Variants in MID1 observed in about 807,000 individuals in gnomAD.
MID1 encodes midline 1.
MID1 carries 7 observed loss-of-function variants against 40.4 expected under a neutral mutation model. That is an observed-to-expected ratio of 0.17 (90% confidence interval 0.10 to 0.33). MID1 has a LOEUF of 0.33. Among genes scored for constraint, MID1 ranks in the 10% least tolerant of loss-of-function variants. MID1 has a pLI of 1.00. For missense variants in MID1, 367 were observed against 558.5 expected, an observed-to-expected ratio of 0.66 and a Z score of 3.46; for synonymous variants, 229 against 221.2, an observed-to-expected ratio of 1.04 and a Z score of -0.31.
chrX:10,802,674 G>T (rs1287908096), intron 1 of MID1, among the ~76,000 whole-genome samples: 1 of 111,681 alleles, frequency 9.0e-6, no homozygotes, highest in Non-Finnish European at 1.9e-5. Context: ...CCCATTACTG[G>T]TTATATATCC....
At chrX:10,752,136 A>T (rs1010700491) in intron 1 of MID1, among the ~76,000 whole-genome samples, 1 of 111,376 alleles carries the variant, frequency 9.0e-6, no homozygotes, top group African/African-American at 3.3e-5. Flanking sequence ...TTTTCCCTAT[A>T]AATTACCTAG....
At position 10,501,438 on chromosome X, in the gene MID1, C is replaced by T. The variant is rs775364168; in HGVS notation, c.757-5747G>A. The T allele has an allele frequency of 9.5e-5, 110 of 1,153,554 alleles. No individual in the cohort carries two copies. In the South Asian group the frequency reaches 1.8e-3, roughly 19 times the overall value. ...TACATCTAGAGTCAGTTTTCTTTCGCGTCTTGAAATGCATCTTCTCCCCAT... is the reference window on the plus strand; with the variant it reads ...TACATCTAGAGTCAGTTTTCTTTCGTGTCTTGAAATGCATCTTCTCCCCAT... On this transcript the variant is annotated intron_variant, in intron 3 of 9. Transcript: ENST00000317552.
At chrX:10,774,092 G>A (rs187180705) in intron 1 of MID1, among the ~76,000 whole-genome samples, 1 of 111,509 alleles carries the variant, frequency 9.0e-6, no homozygotes, top group African/African-American at 3.3e-5. Flanking sequence ...TCTTAGAGGT[G>A]CCAATTTGAG....
intron 1 of MID1, among the ~76,000 whole-genome samples, chrX:10,796,579 T>G (rs1364362618): frequency 2.7e-5 from 3 of 110,508 alleles, no homozygotes; most frequent in African/African-American, 9.9e-5. Context: ...AGCTTGCACC[T>G]TGTGATCTAT....
chrX:10,540,902 T>C (rs1933443652), intron 2 of MID1, among the ~76,000 whole-genome samples: 1 of 112,270 alleles, frequency 8.9e-6, no homozygotes, highest in South Asian at 3.7e-4. Context: ...AGTAGGTGGA[T>C]AACGGTTCCT....
chrX:10,563,097 T>C (rs1008957866), intron 2 of MID1, among the ~76,000 whole-genome samples: 2 of 111,843 alleles, frequency 1.8e-5, no homozygotes, highest in Non-Finnish European at 3.8e-5. Context: ...TTACAATCTA[T>C]AAATTAAACC....
chrX:10,448,498 G>A lies in MID1; in HGVS notation c.*870C>T, dbSNP rs775437613. 2 of 111,549 alleles carry A rather than the reference G, an allele frequency of 1.8e-5. No homozygotes were observed. The highest frequency in any genetic ancestry group is 9.5e-5 in the Admixed American group (1 of 10,495). 9.2% of individuals were successfully genotyped at this position (111,549 alleles called of 1,213,427 possible). On this transcript the variant is annotated 3_prime_UTR_variant, in exon 10 of 10. Transcript: ENST00000317552. ...AGTGAAGAAATTTCACAGGTCTAAAGGAACTATTAAAAGGAAGGATAAAGT... is the reference window on the plus strand; with the variant it reads ...AGTGAAGAAATTTCACAGGTCTAAAAGAACTATTAAAAGGAAGGATAAAGT...
chrX:10,606,595 G>A (rs1224358880), intron 1 of MID1, among the ~76,000 whole-genome samples: 1 of 111,196 alleles, frequency 9.0e-6, no homozygotes, highest in Non-Finnish European at 1.9e-5. Context: ...TATTTTATGA[G>A]GTATTTTATT....
intron 3 of MID1, among the ~76,000 whole-genome samples, chrX:10,510,185 T>C (rs1243944146): frequency 1.8e-5 from 2 of 112,232 alleles, no homozygotes; most frequent in African/African-American, 6.5e-5. Context: ...GCTGATTAAG[T>C]TCCTACACAC....
chrX:10,825,608 G>A (rs1304725787), intron 1 of MID1, among the ~76,000 whole-genome samples: 1 of 111,677 alleles, frequency 9.0e-6, no homozygotes, highest in Non-Finnish European at 1.9e-5. Flanking sequence ...GATCTCAGCT[G>A]AGAAAAGCAA....
At chrX:10,589,444 C>T (rs10284081) in intron 1 of MID1, 16,636 of 110,030 alleles carry the variant, frequency 0.15, 2,581 homozygotes, top group African/African-American at 0.47. Flanking sequence ...TCAAATGGAG[C>T]GGGCAAGTTC....
intron 1 of MID1, among the ~76,000 whole-genome samples, chrX:10,745,613 G>A (rs1467499677): frequency 2.7e-5 from 3 of 112,571 alleles, no homozygotes; most frequent in Non-Finnish European, 5.6e-5. Context: ...ACAAAGATGA[G>A]GTTCTGGCCC....
intron 3 of MID1, among the ~76,000 whole-genome samples, chrX:10,501,089 T>A (rs992304150): frequency 2.7e-5 from 3 of 111,290 alleles, no homozygotes; most frequent in Non-Finnish European, 5.7e-5. Flanking sequence ...GGCAGGCGGG[T>A]CACGAGGTCA....
chrX:10,571,947 C>G (rs1934738416), intron 1 of MID1, among the ~76,000 whole-genome samples: 1 of 108,623 alleles, frequency 9.2e-6, no homozygotes, highest in Non-Finnish European at 1.9e-5. Flanking sequence ...CAAAGACAGA[C>G]AGGGAATAAT....
At chrX:10,833,079 G>A (rs1160369783) in intron 1 of MID1, among the ~76,000 whole-genome samples, 3 of 112,552 alleles carry the variant, frequency 2.7e-5, no homozygotes, top group Non-Finnish European at 5.6e-5. Flanking sequence ...TATGCAGGAT[G>A]CAAGGATTTT....
intron 1 of MID1, among the ~76,000 whole-genome samples, chrX:10,831,691 G>A (rs956788057): frequency 9.0e-6 from 1 of 111,582 alleles, no homozygotes; most frequent in East Asian, 2.8e-4. Flanking sequence ...GATTCTAGCC[G>A]TGAGACTCCC....
At chrX:10,566,078 G>A (rs1392624270) in intron 2 of MID1, among the ~76,000 whole-genome samples, 1 of 111,105 alleles carries the variant, frequency 9.0e-6, no homozygotes, top group African/African-American at 3.3e-5. Context: ...CCAAAGTGCT[G>A]GGATTACAGG....
chrX:10,575,902 T>C (rs948680094), intron 1 of MID1, among the ~76,000 whole-genome samples: 2 of 110,063 alleles, frequency 1.8e-5, no homozygotes, highest in Non-Finnish European at 3.8e-5. Context: ...TATCACTGCA[T>C]TTAGCCTCCA....
At chrX:10,704,737 TATACACACACAC>T (rs1236301974) in intron 1 of MID1, among the ~76,000 whole-genome samples, 1 of 86,727 alleles carries the variant, frequency 1.2e-5, no homozygotes, top group African/African-American at 5.1e-5. Context: ...TATATATATA[TATACACACACAC>T]ACACACACAC....
Sources: allele counts gnomAD v4.1 joint callset (sites outside exome capture counted in the v4.1 genomes callset), GRCh38; gene constraint gnomAD v4.1.1; transcripts MANE v1.5; gene names NCBI Gene and HGNC (gene_info 2026-07-23, HGNC 2026-07-21).